Variants in PCDHA2 observed in about 807,000 individuals in gnomAD.
PCDHA2 encodes the protein protocadherin alpha 2.
In PCDHA2, 58 loss-of-function variants were observed where a neutral mutation model predicts 66.0. The ratio of observed to expected loss-of-function variants is 0.88; its 90% CI spans 0.71 to 1.09. The LOEUF (loss-of-function observed/expected upper bound fraction) is 1.09. Among genes scored for constraint, PCDHA2 ranks in the 50% least tolerant of loss-of-function variants. The pLI, the probability that PCDHA2 is intolerant of heterozygous loss-of-function variation, is 0.00. For synonymous variants in PCDHA2, 634 were observed against 554.0 expected (o/e 1.14, Z -2.03); for missense variants, 1,267 against 1,242.3 (o/e 1.02, Z -0.30).
chr5:140,983,801 T>G (rs1386165689), intron 3 of PCDHA2, among the ~76,000 whole-genome samples: 1 of 152,214 alleles, frequency 6.6e-6, no homozygotes, highest in Non-Finnish European at 1.5e-5. Context: ...AATGTGTGTG[T>G]AAAAGGTTTT....
chr5:140,823,675 C>A, intron 1 of PCDHA2: 2 of 1,614,056 alleles, frequency 1.2e-6, no homozygotes, highest in Non-Finnish European at 1.7e-6. Flanking sequence ...CAGCACAACA[C>A]GCTCTCTGGA....
rs2150459394 is a variant in PCDHA2 at position 140,849,947 on chromosome 5, G to T, written c.2388+52595G>T. On this transcript the variant is annotated intron_variant, in intron 1 of 3. Transcript: ENST00000526136. The stretch of plus-strand genomic sequence containing the variant: ...CGGTGTCTGCGCGGGACGCTGACGC[G>T]CAGGAGAACGCCCTGGTGTCCTACT... 4 of 1,597,722 alleles carry T rather than the reference G, an allele frequency of 2.5e-6. No homozygotes were observed. In the African/African-American group the frequency reaches 4.0e-5, roughly 16 times the overall value.
At chr5:140,967,845 A>G in intron 1 of PCDHA2, 3 of 1,614,160 alleles carry the variant, frequency 1.9e-6, no homozygotes, top group Non-Finnish European at 2.5e-6. Flanking sequence ...GACGTGAATG[A>G]CAATGCCCCA....
chr5:140,966,850 CCTGCTGCTGTTG>C (rs1409933796), intron 1 of PCDHA2: 1 of 1,572,784 alleles, frequency 6.4e-7, no homozygotes, highest in Non-Finnish European at 8.6e-7. Context: ...TACTGCCTCT[CCTGCTGCTGTTG>C]CTGCTGCTGC....
At chr5:140,868,439 G>A (rs2050456620) in intron 1 of PCDHA2, 2 of 152,256 alleles carry the variant, frequency 1.3e-5, no homozygotes, top group South Asian at 4.2e-4. Flanking sequence ...TAGATCATGT[G>A]GAACATAAAC....
chr5:140,860,328 C>G (rs971322066), intron 1 of PCDHA2: 8 of 151,880 alleles, frequency 5.3e-5, no homozygotes, highest in Non-Finnish European at 1.0e-4. Context: ...CTGCAGTGAC[C>G]CATGATTGTG....
chr5:140,910,715 A>C (rs2075137767), intron 1 of PCDHA2, among the ~76,000 whole-genome samples: 1 of 152,118 alleles, frequency 6.6e-6, no homozygotes, highest in Admixed American at 6.5e-5. Flanking sequence ...GCCATCTTTT[A>C]ATCCATATTT....
chr5:140,882,996 A>G lies in PCDHA2; in HGVS notation c.2388+85644A>G, dbSNP rs782381110. On this transcript the variant is annotated intron_variant, in intron 1 of 3. Transcript: ENST00000526136. The stretch of plus-strand genomic sequence containing the variant: ...GTGAATGACAACGCCCCGGAATTTT[A>G]CCAATCCGTTTATAAAGTGACGGTG... 2.9e-5 allele frequency: 46 copies of G among 1,614,024 alleles called. No individual in the cohort carries two copies. The Middle Eastern group carries it at 4.9e-4, about 17-fold the overall frequency.
At position 140,801,509 on chromosome 5, in the gene PCDHA2, C is replaced by T. The variant is rs251382; in HGVS notation, c.2388+4157C>T. 36,339 of 1,614,194 alleles carry T rather than the reference C, an allele frequency of 0.023. 542 individuals are homozygous for T. Among genetic ancestry groups the T allele is most frequent in the Non-Finnish European group, 0.026 (30,985 of 1,180,046 alleles). ...GCGGGCGGAGCGCGGAGTGCAGCAT[C>T]CACCTGGAGGTGATCGTGGACAGGC... On this transcript the variant is annotated intron_variant, in intron 1 of 3. Transcript: ENST00000526136.
At chr5:140,850,748 G>T (rs2150496861) in intron 1 of PCDHA2, 2 of 1,597,980 alleles carry the variant, frequency 1.3e-6, no homozygotes, top group South Asian at 1.1e-5. Flanking sequence ...GGTCGTACTC[G>T]CAGCAGAGGA....
At position 140,854,896 on chromosome 5, in the gene PCDHA2, G is replaced by A. The variant is rs181663374; in HGVS notation, c.2388+57544G>A. Among the ~76,000 whole-genome samples, 38 of 149,756 alleles carry A rather than the reference G, an allele frequency of 2.5e-4. 1 individual carries two copies. Among genetic ancestry groups the A allele is most frequent in the African/African-American group, 4.6e-4 (19 of 40,968 alleles). On this transcript the variant is annotated intron_variant, in intron 1 of 3. Coordinates refer to ENST00000526136, the MANE Select transcript of PCDHA2 (RefSeq NM_018905.3). ...TGTGTCTTTTGGGCATTTGAAAAGC[G>A]TAAATATAACAGGGTTGAAAGCATT...
intron 1 of PCDHA2, among the ~76,000 whole-genome samples, chr5:140,955,497 A>T (rs879951352): frequency 2.0e-5 from 3 of 152,100 alleles, no homozygotes; most frequent in Non-Finnish European, 4.4e-5. Flanking sequence ...CCACCATGTG[A>T]AGAAAGACGT....
In PCDHA2 at chr5:140,795,735, T is replaced by C; in HGVS notation, c.771T>C (p.Asn257=). 1 of 1,614,104 alleles carries C rather than the reference T, an allele frequency of 6.2e-7. No individual in the cohort carries two copies. The highest frequency in any genetic ancestry group is 8.5e-7 in the Non-Finnish European group (1 of 1,180,030). ...YKVKLLENTA[N]GTLVVKLNAS... is the part of the protein sequence containing the mutation. ...TAAAATTGTTAGAGAATACGGCAAA[T>C]GGGACCTTAGTGGTTAAGTTAAACG... Residue 257 remains asparagine, a synonymous_variant, in exon 1 of 4, where the codon AAT becomes AAC. Coordinates refer to ENST00000526136, the MANE Select transcript of PCDHA2 (RefSeq NM_018905.3).
chr5:140,887,497 A>G (rs981649331), intron 1 of PCDHA2, among the ~76,000 whole-genome samples: 1 of 152,150 alleles, frequency 6.6e-6, no homozygotes, highest in Admixed American at 6.5e-5. Context: ...ATAGTTTCTA[A>G]TAAGATGTTT....
In PCDHA2 at chr5:141,006,221, T is replaced by C. The variant is rs559314025; in HGVS notation, c.2537-3406T>C. Among the ~76,000 whole-genome samples, 485 of 152,162 alleles carry C rather than the reference T, an allele frequency of 3.2e-3. 7 individuals carry two copies. The highest frequency in any genetic ancestry group is 0.01 in the Middle Eastern group (3 of 294). On this transcript the variant is annotated intron_variant, in intron 3 of 3. Transcript: ENST00000526136. Reference sequence around the variant, plus strand: ...GTTATGCCTCATTTTTTTTTAAATTTTTTATTTTTAGATGGAGTCTTGCTC... The same window carrying C: ...GTTATGCCTCATTTTTTTTTAAATTCTTTATTTTTAGATGGAGTCTTGCTC...
At chr5:140,905,944 A>G (rs2072219566) in intron 1 of PCDHA2, among the ~76,000 whole-genome samples, 3 of 152,216 alleles carry the variant, frequency 2.0e-5, no homozygotes, top group Non-Finnish European at 4.4e-5. Flanking sequence ...AGAACTTGGA[A>G]TCCGATGTTC....
intron 1 of PCDHA2, chr5:140,864,334 G>T (rs1303822617): frequency 6.6e-6 from 1 of 152,076 alleles, no homozygotes; most frequent in Non-Finnish European, 1.5e-5. Flanking sequence ...AATTATTTGA[G>T]TTTAAAACAT....
intron 1 of PCDHA2, among the ~76,000 whole-genome samples, chr5:140,918,114 G>C (rs989175486): frequency 5.8e-4 from 89 of 152,144 alleles, no homozygotes; most frequent in African/African-American, 2.1e-3. Flanking sequence ...TCACATCCTT[G>C]ATTAGCCATA....
Position 140,870,628 on chromosome 5 carries a change from G to A in PCDHA2, c.2388+73276G>A. The A allele has an allele frequency of 4.3e-6, 7 of 1,613,050 alleles. No individual in the cohort carries two copies. The highest frequency in any genetic ancestry group is 5.9e-6 in the Non-Finnish European group (7 of 1,179,794). Reference sequence around the variant, plus strand: ...CCGCGCGCTGTCGAGCTACGTGTCGGTGCACGCGGAGAGCGGCAAGGTGTA... The same window carrying A: ...CCGCGCGCTGTCGAGCTACGTGTCGATGCACGCGGAGAGCGGCAAGGTGTA... On this transcript the variant is annotated intron_variant, in intron 1 of 3. Transcript: ENST00000526136.
Sources: gnomAD v4.1 joint callset for allele counts (sites outside exome capture counted in the v4.1 genomes callset) on GRCh38, gnomAD v4.1.1 for gene constraint, MANE v1.5 for transcripts, NCBI Gene and HGNC (gene_info 2026-07-23, HGNC 2026-07-21) for gene names.